Variants in GPR141 observed in about 807,000 individuals in gnomAD.
GPR141 encodes the protein probable G protein-coupled receptor 141.
GPR141 carries 6 observed loss-of-function variants against 6.8 expected under a neutral mutation model. The ratio of observed to expected loss-of-function variants is 0.88; its 90% CI spans 0.48 to 1.74. The LOEUF is 1.74. Among genes scored for constraint, GPR141 ranks in the 40% most tolerant of loss-of-function variants. The pLI, the probability that GPR141 is intolerant of heterozygous loss-of-function variation, is 0.01. For missense variants in GPR141, 372 were observed against 372.9 expected (o/e 1.00, Z 0.02); for synonymous variants, 140 against 142.3 (o/e 0.98, Z 0.11).
chr7:37,702,446 T>C (rs574933316), intron 2 of GPR141, among the ~76,000 whole-genome samples: 2 of 152,174 alleles, frequency 1.3e-5, no homozygotes, highest in East Asian at 1.9e-4. Context: ...TTACCTTTAC[T>C]AGTTCGGAAG....
chr7:37,697,208 C>T (rs776757449), intron 2 of GPR141, among the ~76,000 whole-genome samples: 3 of 151,602 alleles, frequency 2.0e-5, no homozygotes, highest in Admixed American at 6.6e-5. Flanking sequence ...TACTTAATTA[C>T]GAGAAATTAC....
chr7:37,732,058 A>T (rs1324357424), intron 2 of GPR141, among the ~76,000 whole-genome samples: 6 of 120,504 alleles, frequency 5.0e-5, no homozygotes, highest in East Asian at 2.3e-4. Context: ...TATTTATTTT[A>T]TTTTTTTATT....
intron 2 of GPR141, among the ~76,000 whole-genome samples, chr7:37,735,558 G>C (rs991587254): frequency 6.6e-6 from 1 of 152,084 alleles, no homozygotes; most frequent in African/African-American, 2.4e-5. Flanking sequence ...TGCAAACAAG[G>C]CTTGACTCAA....
At chr7:37,722,944 T>TTCCC (rs1811415442) in intron 2 of GPR141, among the ~76,000 whole-genome samples, 1 of 141,366 alleles carries the variant, frequency 7.1e-6, no homozygotes, top group East Asian at 2.0e-4. Flanking sequence ...CCTTCCTTCC[T>TTCCC]TCCTTCCTTC....
At chr7:37,722,426 TA>T (rs11323927) in intron 2 of GPR141, among the ~76,000 whole-genome samples, 54,170 of 144,222 alleles carry the variant, frequency 0.38, 10,337 homozygotes, top group Middle Eastern at 0.47. Flanking sequence ...TTCCCTCTCT[TA>T]AAAAAAAAAA....
At chr7:37,719,238 G>T (rs1811198454) in intron 2 of GPR141, among the ~76,000 whole-genome samples, 1 of 152,170 alleles carries the variant, frequency 6.6e-6, no homozygotes, top group African/African-American at 2.4e-5. Flanking sequence ...TGAGCCTAAG[G>T]TGGAAGTCTG....
At chr7:37,717,057 G>A (rs1811083210) in intron 2 of GPR141, among the ~76,000 whole-genome samples, 1 of 152,190 alleles carries the variant, frequency 6.6e-6, no homozygotes, top group South Asian at 2.1e-4. Context: ...TTACAGGATG[G>A]ATATGATCAA....
chr7:37,717,760 A>G (rs1378729419), intron 2 of GPR141, among the ~76,000 whole-genome samples: 1 of 152,128 alleles, frequency 6.6e-6, no homozygotes, highest in Admixed American at 6.6e-5. Context: ...TGTCTCCTTC[A>G]CTAAATTATA....
chr7:37,713,144 C>G lies in GPR141; in HGVS notation c.-14-27236C>G, dbSNP rs1004812804. ...AAGAGGGCCAGAAGTACATTATGCT[C>G]CTACAGTGGAAGAAACTGCAAAGTT... On this transcript the variant is annotated intron_variant, in intron 2 of 2. Transcript: ENST00000334425. 3.9e-5 allele frequency among the ~76,000 whole-genome samples: 6 copies of G among 152,264 alleles called. No individual in the cohort carries two copies. In the South Asian group the frequency reaches 1.2e-3, roughly 32 times the overall value.
At position 37,743,302 on chromosome 7, in the gene GPR141, G is replaced by C. The variant is rs1327901523; in HGVS notation, c.*1991G>C. Among the ~76,000 whole-genome samples the C allele has an allele frequency of 1.3e-5, 2 of 152,070 alleles. No individual in the cohort carries two copies. Among genetic ancestry groups the C allele is most frequent in the Non-Finnish European group, 2.9e-5 (2 of 68,024 alleles). On this transcript the variant is annotated 3_prime_UTR_variant, in exon 3 of 3. Coordinates refer to ENST00000334425, the MANE Select transcript of GPR141 (RefSeq NM_001381946.1). The stretch of plus-strand genomic sequence containing the variant: ...AATTTCTGTGACCACTAAAATTACT[G>C]AGCCACAGAAATTAATTCTGAGGAA...
chr7:37,701,136 T>A (rs1169668188), intron 2 of GPR141, among the ~76,000 whole-genome samples: 3 of 152,236 alleles, frequency 2.0e-5, no homozygotes, highest in African/African-American at 7.2e-5. Flanking sequence ...CAATACATCT[T>A]ATGATTCGTT....
intron 2 of GPR141, among the ~76,000 whole-genome samples, chr7:37,708,321 A>AAAAC (rs1721211818): frequency 1.3e-5 from 2 of 151,184 alleles, no homozygotes; most frequent in South Asian, 4.2e-4. Context: ...AAAAAAAAAA[A>AAAAC]AAAAAAAAAA....
chr7:37,710,367 A>G (rs913741746), intron 2 of GPR141, among the ~76,000 whole-genome samples: 5 of 152,078 alleles, frequency 3.3e-5, no homozygotes, highest in Non-Finnish European at 7.4e-5. Context: ...TGAGTGATTT[A>G]CTCTGTCTCC....
intron 2 of GPR141, among the ~76,000 whole-genome samples, chr7:37,697,305 A>T (rs773775868): frequency 3.9e-5 from 6 of 152,244 alleles, no homozygotes; most frequent in Non-Finnish European, 5.9e-5. Flanking sequence ...TGATTAGATA[A>T]TCTTTGTTAG....
intron 2 of GPR141, among the ~76,000 whole-genome samples, chr7:37,724,460 AT>A (rs1439701966): frequency 6.6e-6 from 1 of 152,244 alleles, no homozygotes; most frequent in East Asian, 1.9e-4. Context: ...TCTGCAGTGA[AT>A]TTCTTTAGAG....
chr7:37,690,426 C>G (rs1231244059), intron 2 of GPR141, among the ~76,000 whole-genome samples: 1 of 152,104 alleles, frequency 6.6e-6, no homozygotes, highest in East Asian at 1.9e-4. Context: ...TTCCCCTGTC[C>G]TTTCCCCTTT....
rs538122252 is a variant in GPR141, at chr7:37,727,039, G to A, written c.-14-13341G>A. Among the ~76,000 whole-genome samples the A allele has an allele frequency of 9.2e-5, 14 of 152,314 alleles. No homozygotes were observed. In the East Asian group the frequency reaches 2.3e-3, roughly 25 times the overall value. ...TTGCAAGGAAGAAGTTTTTGTGTAT[G>A]TCTGGGGCACAGTTCAGCCTTGGAT... On this transcript the variant is annotated intron_variant, in intron 2 of 2. Coordinates refer to ENST00000334425, the MANE Select transcript of GPR141 (RefSeq NM_001381946.1).
chr7:37,735,955 G>A (rs1410825752), intron 2 of GPR141, among the ~76,000 whole-genome samples: 1 of 152,100 alleles, frequency 6.6e-6, no homozygotes, highest in African/African-American at 2.4e-5. Flanking sequence ...AAAGATAAAA[G>A]CACTGAACAA....
chr7:37,701,037 A>G (rs1810257959), intron 2 of GPR141, among the ~76,000 whole-genome samples: 1 of 152,160 alleles, frequency 6.6e-6, no homozygotes, highest in South Asian at 2.1e-4. Context: ...AAGTGATCAT[A>G]TACCCCATTG....
Sources: allele counts gnomAD v4.1 joint callset (sites outside exome capture counted in the v4.1 genomes callset), GRCh38; gene constraint gnomAD v4.1.1; transcripts MANE v1.5; gene names NCBI Gene and HGNC (gene_info 2026-07-23, HGNC 2026-07-21).